PIK3C2G: variants seen among roughly 807,000 people sequenced by gnomAD.
PIK3C2G encodes the protein phosphatidylinositol-4-phosphate 3-kinase catalytic subunit type 2 gamma.
Under a neutral mutation model 181.1 loss-of-function variants are expected in PIK3C2G, and 168 were observed. That is an observed-to-expected ratio of 0.93 (90% CI 0.82 to 1.05). The LOEUF is 1.05. Among genes scored for constraint, PIK3C2G ranks in the 50% least tolerant of loss-of-function variants. PIK3C2G has a pLI of 0.00. For missense variants in PIK3C2G, 1,869 were observed against 1,732.8 expected (o/e 1.08, Z -1.40); for synonymous variants, 573 against 592.2 (o/e 0.97, Z 0.47).
At chr12:18,358,500 C>T in intron 11 of PIK3C2G, 1 of 268,474 alleles carries the variant, frequency 3.7e-6, no homozygotes, top group South Asian at 4.2e-5. Flanking sequence ...TCAGGACCCA[C>T]TTAATTAGAA....
chr12:18,585,184 C>T (rs1946706654), intron 29 of PIK3C2G, among the ~76,000 whole-genome samples: 1 of 152,070 alleles, frequency 6.6e-6, no homozygotes, highest in African/African-American at 2.4e-5. Context: ...ATCAAATCCA[C>T]ATGTAACAAA....
At chr12:18,448,359 A>C in intron 18 of PIK3C2G, among the ~76,000 whole-genome samples, 1 of 152,152 alleles carries the variant, frequency 6.6e-6, no homozygotes, top group East Asian at 1.9e-4. Flanking sequence ...TAGCCAAGCA[A>C]ATTAACATAT....
chr12:18,302,037 G>A (rs1170436027), intron 5 of PIK3C2G, among the ~76,000 whole-genome samples: 2 of 152,162 alleles, frequency 1.3e-5, no homozygotes, highest in Admixed American at 1.3e-4. Context: ...TCAGGCAGTG[G>A]TGAGGCTTTG....
intron 30 of PIK3C2G, among the ~76,000 whole-genome samples, chr12:18,602,939 C>T (rs1947814682): frequency 1.3e-5 from 2 of 152,126 alleles, no homozygotes; most frequent in African/African-American, 4.8e-5. Context: ...AGAAAACCAA[C>T]CCTGGTAATA....
upstream of PIK3C2G, among the ~76,000 whole-genome samples, chr12:18,244,602 TAAAGTGTTAATC>T (rs1228220422): frequency 6.6e-6 from 1 of 152,052 alleles, no homozygotes; most frequent in Admixed American, 6.5e-5. Context: ...ACAAGTAAAT[TAAAGTGTTAATC>T]AAATCAGGAA....
At chr12:18,601,021 C>T (rs1288050187) in intron 30 of PIK3C2G, among the ~76,000 whole-genome samples, 3 of 151,990 alleles carry the variant, frequency 2.0e-5, no homozygotes, top group Non-Finnish European at 2.9e-5. Context: ...TAAGAAATCA[C>T]AGACCAATCT....
At chr12:18,657,450 T>C in the PIK3C2G span, among the ~76,000 whole-genome samples, 1 of 140,680 alleles carries the variant, frequency 7.1e-6, no homozygotes, top group South Asian at 2.2e-4. Flanking sequence ...GTAGTAAGCT[T>C]ACAAGCTGAA....
At chr12:18,634,885 TAG>T (rs1949519355) in intron 31 of PIK3C2G, among the ~76,000 whole-genome samples, 1 of 152,220 alleles carries the variant, frequency 6.6e-6, no homozygotes, top group Non-Finnish European at 1.5e-5. Context: ...TTTGCCCATT[TAG>T]AGAGACCTAT....
At chr12:18,686,629 G>T in the PIK3C2G span, among the ~76,000 whole-genome samples, 3 of 152,038 alleles carry the variant, frequency 2.0e-5, no homozygotes, top group East Asian at 5.8e-4. Context: ...CATTCTCCAA[G>T]AACCATCTCC....
chr12:18,579,741 A>C (rs1242897493), intron 29 of PIK3C2G, among the ~76,000 whole-genome samples: 1 of 152,224 alleles, frequency 6.6e-6, no homozygotes, highest in Non-Finnish European at 1.5e-5. Context: ...TAGTTCATTT[A>C]AGTTCATTCT....
At chr12:18,473,096 T>C (rs1274465858) in intron 18 of PIK3C2G, among the ~76,000 whole-genome samples, 1 of 152,158 alleles carries the variant, frequency 6.6e-6, no homozygotes, top group Non-Finnish European at 1.5e-5. Context: ...AGCAGTGGTC[T>C]AGGCTGCCTA....
intron 29 of PIK3C2G, among the ~76,000 whole-genome samples, chr12:18,589,523 G>A (rs1484568237): frequency 4.6e-5 from 7 of 152,050 alleles, no homozygotes; most frequent in African/African-American, 1.7e-4. Context: ...ACAAGAGGTA[G>A]AGGGCAGTAT....
the PIK3C2G span, chr12:18,713,023 G>C: frequency 1.7e-5 from 28 of 1,611,308 alleles, no homozygotes; most frequent in Middle Eastern, 1.6e-4. Flanking sequence ...GTTACTCCTG[G>C]ACCATTAAAA....
chr12:18,665,145 C>T, the PIK3C2G span, among the ~76,000 whole-genome samples: 41 of 150,284 alleles, frequency 2.7e-4, no homozygotes, highest in African/African-American at 9.6e-4. Flanking sequence ...TACCCTAAAA[C>T]TTAAAGCATA....
chr12:18,620,527 C>CAGATAGATAGATAGAT (rs72448986), intron 31 of PIK3C2G, among the ~76,000 whole-genome samples: 51 of 148,176 alleles, frequency 3.4e-4, no homozygotes, highest in South Asian at 6.5e-4. Flanking sequence ...ATTAGACAGA[C>CAGATAGATAGATAGAT]AGATAGATAG....
intron 2 of PIK3C2G, among the ~76,000 whole-genome samples, chr12:18,284,424 C>T (rs937136228): frequency 6.6e-6 from 1 of 151,766 alleles, no homozygotes; most frequent in African/African-American, 2.4e-5. Flanking sequence ...AAAAACTTAA[C>T]GATTCATAGT....
chr12:18,385,637 C>T (rs1426088151), intron 14 of PIK3C2G, among the ~76,000 whole-genome samples: 2 of 152,044 alleles, frequency 1.3e-5, no homozygotes, highest in Admixed American at 6.5e-5. Context: ...GGCGCGATCT[C>T]GGCTCACTGC....
intron 18 of PIK3C2G, among the ~76,000 whole-genome samples, chr12:18,456,398 G>A (rs1947631624): frequency 6.6e-6 from 1 of 152,110 alleles, no homozygotes; most frequent in African/African-American, 2.4e-5. Context: ...CTCTCCTGCA[G>A]AAAGAGAGGG....
In PIK3C2G at chr12:18,282,688, C is replaced by T. The variant is rs754864262; in HGVS notation, c.607C>T (p.Pro203Ser). ...KRSGHVNIVE[P>S]SLMLLKGSLQ... ...GAGTGGACATGTGAACATTGTGGAA[C>T]CATCTTTGATGCTTTTGAAAGGCTC... is the stretch of plus-strand genomic sequence containing the variant. The change falls in exon 2 of 33, where the codon CCA becomes TCA. Residue 203 changes from proline (P) to serine (S), a missense_variant. Pro to Ser is a moderately conservative substitution (Grantham distance 74). Transcript: ENST00000538779. The T allele has an allele frequency of 4.3e-6, 7 of 1,613,378 alleles. 1 individual carries two copies. In the South Asian group the frequency reaches 5.5e-5, roughly 13 times the overall value.
Sources: gnomAD v4.1 joint callset for allele counts (sites outside exome capture counted in the v4.1 genomes callset) on GRCh38, gnomAD v4.1.1 for gene constraint, MANE v1.5 for transcripts, NCBI Gene and HGNC (gene_info 2026-07-23, HGNC 2026-07-21) for gene names.